DOCK8: variants seen among roughly 807,000 people sequenced by gnomAD.
The protein encoded by DOCK8 is dedicator of cytokinesis protein 8.
DOCK8 carries 141 observed loss-of-function variants against 245.6 expected under a neutral mutation model. The observed-to-expected ratio is 0.57, with a 90% CI of 0.50 to 0.66. The LOEUF (loss-of-function observed/expected upper bound fraction) is 0.66, where lower values mean the gene tolerates loss of function less well. Among genes scored for constraint, DOCK8 ranks in the 30% least tolerant of loss-of-function variants. DOCK8 has a pLI of 0.00. For synonymous variants in DOCK8, 1,168 were observed against 970.2 expected (o/e 1.20, Z -3.79); for missense variants, 2,965 against 2,603.4 (o/e 1.14, Z -3.02).
chr9:260,178 G>C (rs1587680079), intron 1 of DOCK8, among the ~76,000 whole-genome samples: 1 of 152,184 alleles, frequency 6.6e-6, no homozygotes, highest in Non-Finnish European at 1.5e-5. Context: ...TTATCCAACT[G>C]CCAACTTGAC....
intron 1 of DOCK8, among the ~76,000 whole-genome samples, chr9:239,900 A>T (rs952696506): frequency 2.6e-5 from 4 of 152,208 alleles, no homozygotes; most frequent in Non-Finnish European, 4.4e-5. Flanking sequence ...ATAACATTCC[A>T]TTGTAAGGAT....
rs531620077 is a variant in DOCK8 at position 386,388 on chromosome 9, C to T, written c.2836C>T (p.Pro946Ser). 2 of 1,613,898 alleles carry T rather than the reference C, an allele frequency of 1.2e-6. No individual in the cohort carries two copies. Among genetic ancestry groups the T allele is most frequent in the Non-Finnish European group, 1.7e-6 (2 of 1,179,892 alleles). The part of the protein sequence containing the change: ...SYYCSGSSDA[P>S]SSPAAPRPAS... ...CTATTGCTCTGGCAGTAGTGATGCT[C>T]CAAGTTCACCTGCAGCCCCAAGGCC... The change falls in exon 23 of 48, where the codon CCA becomes TCA. Residue 946 changes from proline (P) to serine (S), a missense_variant. Physicochemically the swap from Pro to Ser is moderately conservative, Grantham distance 74. Coordinates refer to ENST00000432829, the MANE Select transcript of DOCK8 (RefSeq NM_203447.4).
chr9:214,141 C>A, upstream of DOCK8: 2 of 273,434 alleles, frequency 7.3e-6, no homozygotes, highest in South Asian at 7.8e-5. Flanking sequence ...AACACGGGCT[C>A]CTCCACTCCC....
intron 3 of DOCK8, among the ~76,000 whole-genome samples, chr9:287,910 G>C (rs1475950802): frequency 1.3e-5 from 2 of 152,128 alleles, no homozygotes; most frequent in African/African-American, 4.8e-5. Flanking sequence ...ACCGCAGCTT[G>C]TTCCTGTGGT....
chr9:463,649 A>T lies in DOCK8; in HGVS notation c.6201A>T (p.Glu2067Asp), dbSNP rs145573166. Reference sequence around the variant, plus strand: ...CAATGATCGAGCGGAAAATTCCAGAACTGTACAAGCCAATATTCAGAGTTG... The same window carrying T: ...CAATGATCGAGCGGAAAATTCCAGATCTGTACAAGCCAATATTCAGAGTTG... Reference protein sequence around the residue: ...LRPMIERKIPELYKPIFRVES... With the variant: ...LRPMIERKIPDLYKPIFRVES... The change falls in exon 47 of 48, where the codon GAA becomes GAT. Residue 2067 changes from glutamate (E) to aspartate (D), a missense_variant. Around this residue, in one of 3 missense-constraint regions of DOCK8, gnomAD observed 134 missense variants for 128.1 expected, o/e 1.05. Coordinates refer to ENST00000432829, the MANE Select transcript of DOCK8 (RefSeq NM_203447.4). The T allele has an allele frequency of 6.2e-7, 1 of 1,613,664 alleles. No individual in the cohort carries two copies. The highest frequency in any genetic ancestry group is 8.5e-7 in the Non-Finnish European group (1 of 1,179,990).
At chr9:246,784 T>G (rs931803441) in intron 1 of DOCK8, among the ~76,000 whole-genome samples, 2 of 152,090 alleles carry the variant, frequency 1.3e-5, no homozygotes, top group African/African-American at 2.4e-5. Context: ...TTTTATTTAT[T>G]TATTTATTTA....
At chr9:435,276 GT>G (rs563684323) in intron 39 of DOCK8, among the ~76,000 whole-genome samples, 452 of 152,010 alleles carry the variant, frequency 3.0e-3, no homozygotes, top group Non-Finnish European at 3.9e-3. Context: ...TCGTCGTTGG[GT>G]TTTTTTTAAA....
At chr9:262,042 C>T (rs79521135) in intron 1 of DOCK8, among the ~76,000 whole-genome samples, 161 of 98,058 alleles carry the variant, frequency 1.6e-3, no homozygotes, top group African/African-American at 6.1e-3. Flanking sequence ...AAAGACACCG[C>T]GATTTACCTA....
chr9:261,059 C>G (rs1245365728), intron 1 of DOCK8, among the ~76,000 whole-genome samples: 3 of 149,178 alleles, frequency 2.0e-5, no homozygotes, highest in African/African-American at 7.4e-5. Context: ...GCACTCCAGC[C>G]TGGGCGACAG....
At chr9:270,188 A>T (rs1802811519) in intron 1 of DOCK8, among the ~76,000 whole-genome samples, 1 of 152,218 alleles carries the variant, frequency 6.6e-6, no homozygotes, top group Non-Finnish European at 1.5e-5. Flanking sequence ...AATTAAATAA[A>T]GAAAACGCTG....
chr9:247,772 C>T (rs1281764679), intron 1 of DOCK8, among the ~76,000 whole-genome samples: 4 of 151,986 alleles, frequency 2.6e-5, no homozygotes, highest in Admixed American at 2.0e-4. Context: ...CTCCTGACCT[C>T]GTGATCCACC....
intron 5 of DOCK8, among the ~76,000 whole-genome samples, chr9:311,162 G>A (rs879682186): frequency 1.2e-4 from 18 of 152,012 alleles, no homozygotes; most frequent in Non-Finnish European, 1.9e-4. Flanking sequence ...GCGGACGCCT[G>A]TAGTCCCATC....
intron 29 of DOCK8, 22 bp from the exon 30 acceptor site, chr9:418,044 TCA>T: frequency 6.2e-7 from 1 of 1,614,104 alleles, no homozygotes. Context: ...TGACTTGACA[TCA>T]CAAACGATGT....
intron 1 of DOCK8, among the ~76,000 whole-genome samples, chr9:269,987 T>C (rs1344778769): frequency 6.6e-6 from 1 of 152,198 alleles, no homozygotes; most frequent in East Asian, 1.9e-4. Flanking sequence ...TTTATACTCC[T>C]ACCAACAGCA....
At chr9:437,352 C>T (rs185631060) in intron 39 of DOCK8, among the ~76,000 whole-genome samples, 1 of 152,186 alleles carries the variant, frequency 6.6e-6, no homozygotes, top group African/African-American at 2.4e-5. Context: ...AGGTTCAAGT[C>T]TAGGAGAGAA....
intron 35 of DOCK8, among the ~76,000 whole-genome samples, chr9:428,998 C>A (rs370892134): frequency 6.6e-6 from 1 of 152,204 alleles, no homozygotes; most frequent in South Asian, 2.1e-4. Flanking sequence ...GACTGAGTCT[C>A]GCTCTATCGC....
chr9:265,668 C>G (rs1373668081), intron 1 of DOCK8, among the ~76,000 whole-genome samples: 1 of 152,158 alleles, frequency 6.6e-6, no homozygotes, highest in Non-Finnish European at 1.5e-5. Context: ...GGCTGCCGGC[C>G]ATACCAGCAG....
intron 23 of DOCK8, 145 bp downstream of exon 23, chr9:386,571 G>A (rs959406855): frequency 5.6e-6 from 4 of 716,350 alleles, no homozygotes; most frequent in African/African-American, 5.3e-5. Flanking sequence ...ACACACTTTT[G>A]CAGCCCTGTC....
intron 1 of DOCK8, among the ~76,000 whole-genome samples, chr9:261,390 T>C (rs897890051): frequency 6.6e-6 from 1 of 152,246 alleles, no homozygotes; most frequent in African/African-American, 2.4e-5. Context: ...ATTATGTTAT[T>C]TGCAAAAACA....
Sources: gnomAD v4.1 joint callset for allele counts (sites outside exome capture counted in the v4.1 genomes callset) on GRCh38, gnomAD v4.1.1 for gene constraint, gnomAD v4.1.1 regional missense constraint, MANE v1.5 for transcripts, NCBI Gene and HGNC (gene_info 2026-07-23, HGNC 2026-07-21) for gene names.